The following C5orf47 variants were observed in gnomAD, a reference collection of about 807,000 sequenced individuals.
The protein encoded by C5orf47 is chromosome 5 open reading frame 47.
C5orf47 carries 20 observed loss-of-function variants against 20.6 expected under a neutral mutation model. The observed-to-expected ratio is 0.97, with a 90% CI of 0.68 to 1.41. C5orf47 has a LOEUF of 1.41. C5orf47 is among the 40% of genes most tolerant of loss of function. The pLI is 0.00. For synonymous variants in C5orf47, 106 were observed against 97.3 expected, an observed-to-expected ratio of 1.09 and a Z score of -0.53; for missense variants, 262 against 238.4, an observed-to-expected ratio of 1.10 and a Z score of -0.65.
rs1373633621 is a variant in C5orf47, at chr5:174,005,705, C to G, written c.*1451C>G. ...ACTGTTTATACTGTAATTTATGCTG[C>G]ATAAAGTTTTGTAGTGAATGTGTAT... On this transcript the variant is annotated 3_prime_UTR_variant, in exon 5 of 5. Transcript: ENST00000340147. 6.6e-6 allele frequency: 1 copy of G among 152,302 alleles called. No individual in the cohort carries two copies. Among genetic ancestry groups the G allele is most frequent in the Non-Finnish European group, 1.5e-5 (1 of 68,036 alleles). The allele number at this position is 152,302 out of a possible 1,614,324, so 9.4% of individuals were successfully genotyped here.
chr5:173,996,317 G>T (rs1351322416), intron 1 of C5orf47, among the ~76,000 whole-genome samples: 2 of 152,180 alleles, frequency 1.3e-5, no homozygotes, highest in Non-Finnish European at 2.9e-5. Flanking sequence ...ACTGGAGCTA[G>T]TCTCAGTACA....
At chr5:173,999,261 A>G (rs1759154075) in intron 2 of C5orf47, among the ~76,000 whole-genome samples, 1 of 152,064 alleles carries the variant, frequency 6.6e-6, no homozygotes, top group African/African-American at 2.4e-5. Flanking sequence ...CTCTAGTACT[A>G]TTGCTTTGGT....
rs535711790 is a variant in C5orf47, at chr5:174,005,425, G to A, written c.*1171G>A. On this transcript the variant is annotated 3_prime_UTR_variant, in exon 5 of 5. Transcript: ENST00000340147. ...TAACTTAATTACTTCAGGAGACTAC[G>A]ACAGTGTAGAATTTGTGGTAACATG... is the stretch of plus-strand genomic sequence containing the variant. 2 of 152,348 alleles carry A rather than the reference G, an allele frequency of 1.3e-5. No individual in the cohort carries two copies. Among genetic ancestry groups the A allele is most frequent in the South Asian group, 2.1e-4 (1 of 4,830 alleles). 9.4% of individuals were successfully genotyped at this position (152,348 alleles called of 1,614,324 possible).
chr5:173,996,231 C>T (rs1039292667), intron 1 of C5orf47, among the ~76,000 whole-genome samples: 13 of 152,072 alleles, frequency 8.5e-5, no homozygotes, highest in Admixed American at 2.6e-4. Flanking sequence ...TTAGGAAGAA[C>T]GACTGGGTCA....
In C5orf47 at chr5:173,989,457, G is replaced by A; in HGVS notation, c.194G>A (p.Gly65Asp). ...REAMAVAGVQ[G>D]GSELPLGSQL... ...GCAATGGCGGTGGCGGGCGTTCAGG[G>A]TGGCAGCGAGCTGCCCCTCGGTTCC... The change falls in exon 1 of 5, where the codon GGT (glycine) becomes GAT (aspartate). Residue 65 changes from glycine (G) to aspartate (D), a missense_variant. Coordinates refer to ENST00000340147, the MANE Select transcript of C5orf47 (RefSeq NM_001144954.2). 6.5e-7 allele frequency: 1 copy of A among 1,549,604 alleles called. No homozygotes were observed. The highest frequency in any genetic ancestry group is 8.7e-7 in the Non-Finnish European group (1 of 1,146,120).
At chr5:174,002,810 A>G (rs900312508) in intron 4 of C5orf47, among the ~76,000 whole-genome samples, 1 of 152,132 alleles carries the variant, frequency 6.6e-6, no homozygotes, top group Non-Finnish European at 1.5e-5. Context: ...GTTCAGGATC[A>G]TGTATTGTGT....
intron 2 of C5orf47, 99 bp from the exon 3 acceptor site, chr5:173,999,601 A>C: frequency 2.0e-6 from 1 of 509,508 alleles, no homozygotes; most frequent in Non-Finnish European, 3.5e-6. Flanking sequence ...GATGATATCA[A>C]TTGACATACA....
chr5:174,005,672 A>G lies in C5orf47; in HGVS notation c.*1418A>G, dbSNP rs187400126. On this transcript the variant is annotated 3_prime_UTR_variant, in exon 5 of 5. Coordinates refer to ENST00000340147, the MANE Select transcript of C5orf47 (RefSeq NM_001144954.2). ...ACTGAAGTCCATTGCAAAATGAGACATATTTACACTGTTTATACTGTAATT... is the reference window on the plus strand; with the variant it reads ...ACTGAAGTCCATTGCAAAATGAGACGTATTTACACTGTTTATACTGTAATT... The G allele has an allele frequency of 3.7e-3, 559 of 152,476 alleles. 6 individuals carry two copies. The highest frequency in any genetic ancestry group is 0.012 in the African/African-American group (508 of 41,570). 9.4% of individuals were successfully genotyped at this position (152,476 alleles called of 1,614,324 possible). A position where few individuals can be genotyped will look rare whatever the true frequency, so the allele number is the denominator to read the frequency against.
intron 4 of C5orf47, among the ~76,000 whole-genome samples, chr5:174,002,571 C>T (rs1759218554): frequency 6.7e-6 from 1 of 150,244 alleles, no homozygotes. Flanking sequence ...TTTTTAACAT[C>T]TTGCCACGTT....
In C5orf47 at chr5:173,994,464, G is replaced by A. The variant is rs187027944; in HGVS notation, c.326-3689G>A. ...CTGAACTTGTTAACTCTGCCACAAA[G>A]GAGTTGGTGGGTGGGAGAGATTGGA... On this transcript the variant is annotated intron_variant, in intron 1 of 4. Transcript: ENST00000340147. 1.4e-4 allele frequency among the ~76,000 whole-genome samples: 21 copies of A among 152,292 alleles called. No homozygotes were observed. The East Asian group carries it at 3.9e-3, about 28-fold the overall frequency.
rs1252477285 is a variant in C5orf47 at position 173,989,787 on chromosome 5, C to G, written c.325+199C>G. ...GGCCAGCTGTGGCCGGCACGGGCACCTGACATAAGAGGAGAGGTTGTTGAA... is the reference window on the plus strand; with the variant it reads ...GGCCAGCTGTGGCCGGCACGGGCACGTGACATAAGAGGAGAGGTTGTTGAA... On this transcript the variant is annotated intron_variant, in intron 1 of 4. Coordinates refer to ENST00000340147, the MANE Select transcript of C5orf47 (RefSeq NM_001144954.2). Among the ~76,000 whole-genome samples the G allele has an allele frequency of 3.9e-5, 6 of 152,324 alleles. No homozygotes were observed. The South Asian group carries it at 1.2e-3, about 32-fold the overall frequency.
intron 1 of C5orf47, among the ~76,000 whole-genome samples, chr5:173,992,182 ACT>A (rs1272310924): frequency 1.4e-5 from 2 of 145,424 alleles, no homozygotes; most frequent in African/African-American, 2.5e-5. Flanking sequence ...ATATATGTGC[ACT>A]CTGTCTTTTT....
intron 1 of C5orf47, among the ~76,000 whole-genome samples, chr5:173,991,597 T>G (rs1236022708): frequency 1.3e-5 from 2 of 152,166 alleles, no homozygotes; most frequent in Non-Finnish European, 2.9e-5. Flanking sequence ...GATTTGTTTA[T>G]TAATATGGAA....
At chr5:173,991,406 C>G (rs1758995092) in intron 1 of C5orf47, among the ~76,000 whole-genome samples, 1 of 151,836 alleles carries the variant, frequency 6.6e-6, no homozygotes, top group Non-Finnish European at 1.5e-5. Flanking sequence ...GGGGAAATGC[C>G]TATAGTGTTT....
intron 3 of C5orf47, among the ~76,000 whole-genome samples, chr5:174,000,362 T>A (rs902422691): frequency 4.6e-5 from 7 of 152,122 alleles, no homozygotes; most frequent in African/African-American, 1.7e-4. Flanking sequence ...TTAGATGTAG[T>A]CTGGTGTGTT....
chr5:173,995,475 C>T (rs1264731508), intron 1 of C5orf47, among the ~76,000 whole-genome samples: 4 of 152,138 alleles, frequency 2.6e-5, no homozygotes, highest in Admixed American at 6.5e-5. Context: ...AGACATAATC[C>T]GTGGTTCTGT....
chr5:173,994,647 C>G (rs1042997797), intron 1 of C5orf47, among the ~76,000 whole-genome samples: 1 of 152,104 alleles, frequency 6.6e-6, no homozygotes, highest in Non-Finnish European at 1.5e-5. Context: ...CTGTGCTGGG[C>G]AACTGGATGG....
intron 4 of C5orf47, among the ~76,000 whole-genome samples, chr5:174,003,986 C>T (rs1483885267): frequency 6.6e-6 from 1 of 152,174 alleles, no homozygotes; most frequent in East Asian, 1.9e-4. Flanking sequence ...GAGGTGAAAG[C>T]CTGTGACACA....
chr5:174,005,644 G>C lies in C5orf47; in HGVS notation c.*1390G>C, dbSNP rs1759278004. Reference sequence around the variant, plus strand: ...GGTGAAGCTTCAAATTTTAGCTTATGCAACTGAAGTCCATTGCAAAATGAG... The same window carrying C: ...GGTGAAGCTTCAAATTTTAGCTTATCCAACTGAAGTCCATTGCAAAATGAG... On this transcript the variant is annotated 3_prime_UTR_variant, in exon 5 of 5. Transcript: ENST00000340147. 1 of 152,250 alleles carries C rather than the reference G, an allele frequency of 6.6e-6. No homozygotes were observed. The highest frequency in any genetic ancestry group is 2.4e-5 in the African/African-American group (1 of 41,428). The allele number at this position is 152,250 out of a possible 1,614,324, so 9.4% of individuals were successfully genotyped here. A position where few individuals can be genotyped will look rare whatever the true frequency, so the allele number is the denominator to read the frequency against.
Sources: allele counts gnomAD v4.1 joint callset (sites outside exome capture counted in the v4.1 genomes callset), GRCh38; gene constraint gnomAD v4.1.1; transcripts MANE v1.5; gene names NCBI Gene and HGNC (gene_info 2026-07-23, HGNC 2026-07-21).